Variants in FIRRM observed in about 807,000 individuals in gnomAD.
FIRRM encodes the protein FIGNL1 interacting regulator of recombination and mitosis.
chr1:169,845,324 G>A, the FIRRM span, among the ~76,000 whole-genome samples: 1 of 152,176 alleles, frequency 6.6e-6, no homozygotes, highest in Non-Finnish European at 1.5e-5. Context: ...TTTTGGTAGT[G>A]GAGGGTCTTG....
the FIRRM span, among the ~76,000 whole-genome samples, chr1:169,790,150 G>T: frequency 6.6e-6 from 1 of 151,926 alleles, no homozygotes; most frequent in African/African-American, 2.4e-5. Flanking sequence ...TTCCCTTTGG[G>T]CTGTTTGATA....
chr1:169,831,421 T>C, the FIRRM span, among the ~76,000 whole-genome samples: 5 of 152,218 alleles, frequency 3.3e-5, no homozygotes, highest in Non-Finnish European at 5.9e-5. Context: ...ATCATATATT[T>C]CTTGGTTTAC....
chr1:169,848,552 C>A, the FIRRM span, among the ~76,000 whole-genome samples: 4 of 152,150 alleles, frequency 2.6e-5, no homozygotes, highest in Admixed American at 6.6e-5. Flanking sequence ...AATTTAATTT[C>A]TAAGGGGCTC....
At chr1:169,796,088 T>G in the FIRRM span, 1 of 470,924 alleles carries the variant, frequency 2.1e-6, no homozygotes, top group Non-Finnish European at 2.8e-6. Context: ...ATCTCAATAC[T>G]GCACAAATAT....
the FIRRM span, among the ~76,000 whole-genome samples, chr1:169,800,192 C>T: frequency 1.3e-5 from 2 of 152,118 alleles, no homozygotes; most frequent in Non-Finnish European, 2.9e-5. Context: ...TGCTACCATG[C>T]GTGGCTAATT....
chr1:169,791,370 ATAAG>A, the FIRRM span, among the ~76,000 whole-genome samples: 42 of 152,388 alleles, frequency 2.8e-4, no homozygotes, highest in East Asian at 1.5e-3. Context: ...AATAATGTAT[ATAAG>A]TAAGTTTCCT....
At chr1:169,821,601 T>C in the FIRRM span, 51 of 1,055,320 alleles carry the variant, frequency 4.8e-5, no homozygotes, top group Non-Finnish European at 6.4e-5. Flanking sequence ...TTAGAAAATA[T>C]TGTCTCATTT....
chr1:169,790,259 C>A, the FIRRM span, among the ~76,000 whole-genome samples: 1 of 152,016 alleles, frequency 6.6e-6, no homozygotes. Context: ...CTCACTGCAA[C>A]CTCCGCCTCC....
chr1:169,807,733 C>A, the FIRRM span: 1 of 1,453,686 alleles, frequency 6.9e-7, no homozygotes, highest in African/African-American at 1.5e-5. Context: ...GTTAGAGGTC[C>A]TAAGTTACTT....
At chr1:169,846,711 ATTTGGC>A in the FIRRM span, among the ~76,000 whole-genome samples, 2 of 152,130 alleles carry the variant, frequency 1.3e-5, no homozygotes, top group Non-Finnish European at 1.5e-5. Flanking sequence ...CTGGCTTTGG[ATTTGGC>A]TTTGGCTTAA....
At chr1:169,796,661 T>G in the FIRRM span, among the ~76,000 whole-genome samples, 1 of 152,212 alleles carries the variant, frequency 6.6e-6, no homozygotes, top group African/African-American at 2.4e-5. Flanking sequence ...TACTCATAAT[T>G]CATTATTCCA....
the FIRRM span, among the ~76,000 whole-genome samples, chr1:169,832,038 T>G: frequency 6.3e-4 from 96 of 152,260 alleles, no homozygotes; most frequent in African/African-American, 2.1e-3. Context: ...GGATTACAGT[T>G]GTGAACCACC....
the FIRRM span, among the ~76,000 whole-genome samples, chr1:169,808,406 A>C: frequency 6.6e-6 from 1 of 152,064 alleles, no homozygotes; most frequent in Admixed American, 6.5e-5. Context: ...GAAAAGTTAG[A>C]GTGTTGAATT....
At chr1:169,811,418 C>T in the FIRRM span, among the ~76,000 whole-genome samples, 1 of 151,974 alleles carries the variant, frequency 6.6e-6, no homozygotes, top group South Asian at 2.1e-4. Flanking sequence ...TTTTGAGAGG[C>T]CAAGGCAGAA....
the FIRRM span, among the ~76,000 whole-genome samples, chr1:169,849,333 G>A: frequency 1.3e-5 from 2 of 152,226 alleles, no homozygotes; most frequent in Non-Finnish European, 2.9e-5. Context: ...GGGAGCTACT[G>A]GAAGGATTTG....
the FIRRM span, chr1:169,852,198 A>C: frequency 6.1e-6 from 3 of 492,658 alleles, no homozygotes; most frequent in Non-Finnish European, 7.2e-6. Flanking sequence ...CAGTGATGCT[A>C]TAAATGCAGT....
At chr1:169,853,612 G>T in the FIRRM span, 1 of 1,252,076 alleles carries the variant, frequency 8.0e-7, no homozygotes, top group Non-Finnish European at 1.1e-6. Context: ...GGGAAAAGCA[G>T]GCCACTTTGG....
chr1:169,805,990 A>G, the FIRRM span: 4 of 1,548,710 alleles, frequency 2.6e-6, no homozygotes, highest in Non-Finnish European at 2.7e-6. Flanking sequence ...AAGTTCTGTT[A>G]TCTTTCTTTG....
the FIRRM span, chr1:169,847,851 T>C: frequency 7.8e-7 from 1 of 1,286,886 alleles, no homozygotes; most frequent in East Asian, 2.3e-5. Flanking sequence ...AAAATCTCTA[T>C]AAGAGTTAGT....
Sources: gnomAD v4.1 joint callset for allele counts (sites outside exome capture counted in the v4.1 genomes callset) on GRCh38, gnomAD v4.1.1 for gene constraint, MANE v1.5 for transcripts, NCBI Gene and HGNC (gene_info 2026-07-23, HGNC 2026-07-21) for gene names.